ADGRA3: variants seen among roughly 807,000 people sequenced by gnomAD.
ADGRA3 encodes the protein adhesion G protein-coupled receptor A3.
A neutral mutation model predicts 119.8 loss-of-function variants in ADGRA3; 56 were observed. The observed-to-expected ratio is 0.47, with a 90% CI of 0.38 to 0.58. The LOEUF is 0.58. Among genes scored for constraint, ADGRA3 ranks in the 20% least tolerant of loss-of-function variants. The pLI is 0.00. For synonymous variants in ADGRA3, 607 were observed against 623.8 expected (o/e 0.97, Z 0.40); for missense variants, 1,516 against 1,649.0 (o/e 0.92, Z 1.40).
chr4:22,424,411 A>T (rs1371415002), intron 10 of ADGRA3, 59 bp from the exon 11 acceptor site: 1 of 1,554,160 alleles, frequency 6.4e-7, no homozygotes, highest in Non-Finnish European at 8.7e-7. Context: ...ACTATTTCGT[A>T]GAATCAAAAT....
Position 22,398,609 on chromosome 4 carries a change from G to A in ADGRA3, c.2481+2822C>T, listed in dbSNP as rs114514575. On this transcript the variant is annotated intron_variant, in intron 16 of 18. Coordinates refer to ENST00000334304, the MANE Select transcript of ADGRA3 (RefSeq NM_145290.4). The stretch of plus-strand genomic sequence containing the variant: ...ATTGCACCTATTTTTTGTTAAAGTG[G>A]GCTGTTTATTTTAGTGATTTTTACC... Among the ~76,000 whole-genome samples, 879 of 151,380 alleles carry A rather than the reference G, an allele frequency of 5.8e-3. 6 individuals carry two copies. The highest frequency in any genetic ancestry group is 0.02 in the African/African-American group (818 of 41,224).
At chr4:22,414,660 G>A in intron 12 of ADGRA3, 1 of 681,992 alleles carries the variant, frequency 1.5e-6, no homozygotes, top group Non-Finnish European at 2.6e-6. Context: ...CCTTGGTTTT[G>A]CAATGTTTAA....
chr4:22,478,492 G>A (rs1718133101), intron 1 of ADGRA3, among the ~76,000 whole-genome samples: 1 of 152,134 alleles, frequency 6.6e-6, no homozygotes, highest in African/African-American at 2.4e-5. Flanking sequence ...GATCAAATGT[G>A]TTGGAGCTAT....
chr4:22,460,602 T>C (rs1275246605), intron 3 of ADGRA3, among the ~76,000 whole-genome samples: 3 of 152,210 alleles, frequency 2.0e-5, no homozygotes, highest in Non-Finnish European at 4.4e-5. Flanking sequence ...TTCCTTTGTC[T>C]TGTCACTTCT....
chr4:22,474,840 C>G (rs1435715045), intron 1 of ADGRA3, among the ~76,000 whole-genome samples: 2 of 152,200 alleles, frequency 1.3e-5, no homozygotes, highest in Admixed American at 1.3e-4. Context: ...CATTGCATAA[C>G]TTTCAGGGGC....
In ADGRA3 at chr4:22,401,556, T is replaced by A; in HGVS notation, c.2358-2A>T. 6.3e-7 allele frequency: 1 copy of A among 1,598,836 alleles called. No homozygotes were observed. The highest frequency in any genetic ancestry group is 2.2e-5 in the East Asian group (1 of 44,590). On this transcript the variant is annotated splice_acceptor_variant, in intron 15 of 18. Coordinates refer to ENST00000334304, the MANE Select transcript of ADGRA3 (RefSeq NM_145290.4). LOFTEE classifies it high-confidence loss of function. ...CTCTTGAGGCTGATTCTAATCAAAC[T>A]GTTTAAAAAAGAGAGAAAATATTAA...
At chr4:22,496,057 T>C (rs1340455639) in intron 1 of ADGRA3, among the ~76,000 whole-genome samples, 1 of 152,216 alleles carries the variant, frequency 6.6e-6, no homozygotes, top group Non-Finnish European at 1.5e-5. Context: ...ATATTATATA[T>C]TCCATTAATG....
intron 14 of ADGRA3, among the ~76,000 whole-genome samples, chr4:22,410,571 T>C (rs1302249916): frequency 6.6e-6 from 1 of 152,184 alleles, no homozygotes; most frequent in Non-Finnish European, 1.5e-5. Flanking sequence ...TTAGACTTAC[T>C]ATATAAAAGG....
Position 22,388,209 on chromosome 4 carries a change from G to A in ADGRA3, c.3462C>T (p.His1154=), listed in dbSNP as rs574152051. 5.5e-5 allele frequency: 88 copies of A among 1,614,004 alleles called. No individual in the cohort carries two copies. In the Admixed American group the frequency reaches 6.3e-4, roughly 12 times the overall value. Residue 1154 remains histidine, a synonymous_variant, in exon 19 of 19, where the codon CAC becomes CAT. Coordinates refer to ENST00000334304, the MANE Select transcript of ADGRA3 (RefSeq NM_145290.4). ...EHSMDNDIKM[H]VAPLEVQFRT... is the part of the protein sequence containing the mutation. ...GAAACTGAACTTCTAAAGGCGCCACGTGCATTTTAATATCATTGTCCATTG... is the reference window on the plus strand; with the variant it reads ...GAAACTGAACTTCTAAAGGCGCCACATGCATTTTAATATCATTGTCCATTG...
intron 1 of ADGRA3, among the ~76,000 whole-genome samples, chr4:22,480,371 T>A (rs1373624506): frequency 6.6e-6 from 1 of 152,140 alleles, no homozygotes; most frequent in East Asian, 1.9e-4. Context: ...CTCAATATTT[T>A]GCTATAAATC....
intron 16 of ADGRA3, chr4:22,393,828 G>A (rs1228859658): frequency 6.6e-6 from 1 of 152,138 alleles, no homozygotes; most frequent in Non-Finnish European, 1.5e-5. Flanking sequence ...GCCACCTCTA[G>A]GGGTTTCGTA....
chr4:22,414,237 C>CT (rs1260135790), intron 12 of ADGRA3: 2 of 219,236 alleles, frequency 9.1e-6, no homozygotes, highest in Non-Finnish European at 1.8e-5. Context: ...GCTTATGGAA[C>CT]TTTAAGGTGA....
At chr4:22,487,656 TGTCACCAACAAGAGAGCCA>T (rs1484617674) in intron 1 of ADGRA3, among the ~76,000 whole-genome samples, 4 of 152,130 alleles carry the variant, frequency 2.6e-5, no homozygotes, top group Admixed American at 6.5e-5. Context: ...ACTACACCAT[TGTCACCAACAAGAGAGCCA>T]CAGAGCAGGA....
rs1188388600 is a variant in ADGRA3, at chr4:22,392,659, G to A, written c.2513C>T (p.Ala838Val). The change falls in exon 17 of 19, where the codon GCC (alanine) becomes GTC (valine). Residue 838 changes from alanine (A) to valine (V), a missense_variant. Ala to Val is a moderately conservative substitution (Grantham distance 64). Coordinates refer to ENST00000334304, the MANE Select transcript of ADGRA3 (RefSeq NM_145290.4). Reference protein sequence around the residue: ...VGIILHYSTLATVLWVGVTAR... With the variant: ...VGIILHYSTLVTVLWVGVTAR... ...TGTCACTCCTACCCATAGTACTGTG[G>A]CAAGGGTGGAATAGTGAAGAATTAT... 1.2e-6 allele frequency: 2 copies of A among 1,613,494 alleles called. No individual in the cohort carries two copies. The highest frequency in any genetic ancestry group is 1.7e-6 in the Non-Finnish European group (2 of 1,179,770).
intron 8 of ADGRA3, among the ~76,000 whole-genome samples, chr4:22,437,291 T>A (rs1048732728): frequency 2.0e-5 from 3 of 152,198 alleles, no homozygotes; most frequent in African/African-American, 7.2e-5. Context: ...AATAACTTTT[T>A]TAAAAAGAGC....
chr4:22,413,415 A>G (rs1715298315), intron 13 of ADGRA3, 25 bp from the exon 14 acceptor site: 1 of 1,592,562 alleles, frequency 6.3e-7, no homozygotes, highest in Non-Finnish European at 8.6e-7. Flanking sequence ...AAATAAAAAT[A>G]TTTCTGAAAC....
At position 22,389,109 on chromosome 4, in the gene ADGRA3, C is replaced by A. The variant is rs781064615; in HGVS notation, c.2702G>T (p.Gly901Val). 2 of 1,613,812 alleles carry A rather than the reference C, an allele frequency of 1.2e-6. No homozygotes were observed. The highest frequency in any genetic ancestry group is 1.7e-6 in the Non-Finnish European group (2 of 1,179,866). The change falls in exon 18 of 19, where the codon GGC (glycine) becomes GTC (valine). Residue 901 changes from glycine (G) to valine (V), a missense_variant. This residue lies in a region of ADGRA3 where 1,088 missense variants were observed against 1,107.1 expected (regional missense o/e 0.98). Transcript: ENST00000334304. ...TCACTAGGGTGCGTTTGGCCGACTGCCGTAATTCTTAATGTTCGCTGCTGC... is the reference window on the plus strand; with the variant it reads ...TCACTAGGGTGCGTTTGGCCGACTGACGTAATTCTTAATGTTCGCTGCTGC... ...ITAAANIKNYGSRPNAPYCWM... is the reference protein window; with the variant it reads ...ITAAANIKNYVSRPNAPYCWM...
Position 22,424,361 on chromosome 4 carries a change from G to C in ADGRA3, c.1444-9C>G. 6.2e-7 allele frequency: 1 copy of C among 1,605,530 alleles called. No homozygotes were observed. On this transcript the variant is annotated splice_polypyrimidine_tract_variant and intron_variant, in intron 10 of 18. Coordinates refer to ENST00000334304, the MANE Select transcript of ADGRA3 (RefSeq NM_145290.4). Reference sequence around the variant, plus strand: ...ACCATCACGTCACCTAGCTAGCAGGGGTTCAGGAGAAAAAAGAAAGATCTT... The same window carrying C: ...ACCATCACGTCACCTAGCTAGCAGGCGTTCAGGAGAAAAAAGAAAGATCTT...
Position 22,399,831 on chromosome 4 carries a change from A to C in ADGRA3, c.2481+1600T>G, listed in dbSNP as rs1714538098. Among the ~76,000 whole-genome samples the C allele has an allele frequency of 2.0e-5, 3 of 152,174 alleles. No homozygotes were observed. In the South Asian group the frequency reaches 6.2e-4, roughly 32 times the overall value. On this transcript the variant is annotated intron_variant, in intron 16 of 18. Transcript: ENST00000334304. ...GTCATTTATTTTCACATAAATTTAAAAATCATCTTATTGAGTTTCATAAAA... is the reference window on the plus strand; with the variant it reads ...GTCATTTATTTTCACATAAATTTAACAATCATCTTATTGAGTTTCATAAAA...
Sources: gnomAD v4.1 joint callset for allele counts (sites outside exome capture counted in the v4.1 genomes callset) on GRCh38, gnomAD v4.1.1 for gene constraint, gnomAD v4.1.1 regional missense constraint, MANE v1.5 for transcripts, NCBI Gene and HGNC (gene_info 2026-07-23, HGNC 2026-07-21) for gene names.